The following ZNF215 variants were observed in gnomAD, a reference collection of about 807,000 sequenced individuals.
ZNF215 encodes the protein BWSCR2-associated zinc finger protein 2.
Under a neutral mutation model 27.2 loss-of-function variants are expected in ZNF215, and 24 were observed. The observed-to-expected ratio is 0.88, with a 90% CI of 0.64 to 1.24. ZNF215 has a LOEUF of 1.24. Ranked by LOEUF, ZNF215 falls within the 50% of genes most tolerant of loss-of-function variation. ZNF215 has a pLI of 0.00. For missense variants in ZNF215, 675 were observed against 605.7 expected (o/e 1.11, Z -1.20); for synonymous variants, 210 against 204.0 (o/e 1.03, Z -0.25).
At chr11:6,965,186 C>A (rs1204240593) in intron 5 of ZNF215, among the ~76,000 whole-genome samples, 2 of 151,960 alleles carry the variant, frequency 1.3e-5, no homozygotes, top group East Asian at 3.8e-4. Context: ...AGTGTTATTT[C>A]AGTAAAGGCA....
chr11:6,982,272 C>T (rs529422791), intron 5 of ZNF215, among the ~76,000 whole-genome samples: 7 of 152,026 alleles, frequency 4.6e-5, no homozygotes, highest in Admixed American at 3.9e-4. Flanking sequence ...CCTGAGTGAC[C>T]TACAAAGAGA....
chr11:6,952,326 C>T lies in ZNF215; in HGVS notation c.713-3364C>T, dbSNP rs536866425. ...GTCTTGTTGATCTATCTAATGTTGACAGTAGGGTGTTGAAGTCTCCCATTA... is the reference window on the plus strand; with the variant it reads ...GTCTTGTTGATCTATCTAATGTTGATAGTAGGGTGTTGAAGTCTCCCATTA... On this transcript the variant is annotated intron_variant, in intron 6 of 6. Transcript: ENST00000278319. Among the ~76,000 whole-genome samples, 297 of 152,240 alleles carry T rather than the reference C, an allele frequency of 2.0e-3. 3 individuals carry two copies. Among genetic ancestry groups the T allele is most frequent in the African/African-American group, 6.7e-3 (278 of 41,540 alleles).
intron 2 of ZNF215, among the ~76,000 whole-genome samples, chr11:6,928,173 A>T (rs1177344997): frequency 2.0e-5 from 3 of 152,128 alleles, no homozygotes; most frequent in Non-Finnish European, 4.4e-5. Flanking sequence ...AGGATTTTCT[A>T]TTTGGTAGCC....
chr11:6,990,746 A>T (rs1178213703), downstream of ZNF215, among the ~76,000 whole-genome samples: 1 of 152,102 alleles, frequency 6.6e-6, no homozygotes, highest in Non-Finnish European at 1.5e-5. Context: ...TCCCCAAAAC[A>T]CACACACACA....
At chr11:6,984,529 A>G (rs1851023319) in exon 6 of ZNF215, 1 of 152,734 alleles carries the variant, frequency 6.5e-6, no homozygotes, top group Non-Finnish European at 1.5e-5. Flanking sequence ...TACTTGTCAC[A>G]GCGTTGGTTG....
rs373267791 is a variant in ZNF215, at chr11:6,941,662, G to A, written c.483+9G>A. 20 of 1,613,530 alleles carry A rather than the reference G, an allele frequency of 1.2e-5. 1 individual carries two copies. The African/African-American group carries it at 2.5e-4, about 20-fold the overall frequency. ...GAACAGGCAAACCACAGGTGAATTA[G>A]GATTCTAGTCTTTACTGAACACATA... On this transcript the variant is annotated intron_variant, in intron 4 of 6. Transcript: ENST00000278319.
chr11:6,977,046 C>T (rs72848554), intron 5 of ZNF215, among the ~76,000 whole-genome samples: 1 of 152,056 alleles, frequency 6.6e-6, no homozygotes, highest in Non-Finnish European at 1.5e-5. Flanking sequence ...GTGGTTGTAT[C>T]GCCTTCTCTT....
intron 2 of ZNF215, among the ~76,000 whole-genome samples, chr11:6,931,591 T>C (rs1849268028): frequency 6.6e-6 from 1 of 152,250 alleles, no homozygotes; most frequent in African/African-American, 2.4e-5. Flanking sequence ...ATCCACTTTT[T>C]GATTTATTCC....
intron 1 of ZNF215, among the ~76,000 whole-genome samples, chr11:6,927,311 G>C (rs1849087680): frequency 6.6e-6 from 1 of 152,088 alleles, no homozygotes; most frequent in South Asian, 2.1e-4. Flanking sequence ...CTTCTATTCA[G>C]TCACTTATTT....
chr11:6,975,623 T>C (rs1850817710), intron 5 of ZNF215, among the ~76,000 whole-genome samples: 1 of 152,076 alleles, frequency 6.6e-6, no homozygotes, highest in African/African-American at 2.4e-5. Flanking sequence ...ACATGTGATG[T>C]TCGTCTTTCT....
chr11:6,951,318 C>T (rs1365518021), intron 6 of ZNF215, among the ~76,000 whole-genome samples: 4 of 152,010 alleles, frequency 2.6e-5, no homozygotes, highest in African/African-American at 9.7e-5. Context: ...GTACCAGTTC[C>T]TCCTTGTACC....
downstream of ZNF215, among the ~76,000 whole-genome samples, chr11:6,960,726 T>A (rs989880997): frequency 6.6e-6 from 1 of 152,142 alleles, no homozygotes; most frequent in Non-Finnish European, 1.5e-5. Flanking sequence ...CACTGTGGAA[T>A]TAAATGATTA....
chr11:6,980,109 C>G (rs2133352108), intron 5 of ZNF215, among the ~76,000 whole-genome samples: 1 of 152,148 alleles, frequency 6.6e-6, no homozygotes, highest in South Asian at 2.1e-4. Flanking sequence ...GCATTAAGTT[C>G]CTTTGTCAAC....
downstream of ZNF215, among the ~76,000 whole-genome samples, chr11:6,959,194 T>C (rs1233151407): frequency 6.6e-6 from 1 of 151,980 alleles, no homozygotes; most frequent in African/African-American, 2.4e-5. Flanking sequence ...TGTGGAAATG[T>C]TAGGAGAGAT....
Position 6,957,384 on chromosome 11 carries a change from A to G in ZNF215, c.*853A>G. 1 of 190,294 alleles carries G rather than the reference A, an allele frequency of 5.3e-6. No homozygotes were observed. The allele number at this position is 190,294 out of a possible 1,614,324, so 11.8% of individuals were successfully genotyped here. ...TTATCTCAGTCTGAGTTTGTGAGGA[A>G]GTGTGCCCTGCAGTGGAATGGCTCC... On this transcript the variant is annotated 3_prime_UTR_variant, in exon 7 of 7. Transcript: ENST00000278319.
In ZNF215 at chr11:6,955,793, G is replaced by T. The variant is rs750812180; in HGVS notation, c.816G>T (p.Trp272Cys). ...PSSDAWKGEN[W>C]LYRNQKKWDI... ...CAGATGCCTGGAAAGGTGAGAATTGGTTATATAGGAACCAGAAAAAATGGG... is the reference window on the plus strand; with the variant it reads ...CAGATGCCTGGAAAGGTGAGAATTGTTTATATAGGAACCAGAAAAAATGGG... The change falls in exon 7 of 7, where the codon TGG becomes TGT. Residue 272 changes from tryptophan (W) to cysteine (C), a missense_variant. Transcript: ENST00000278319. 1.2e-6 allele frequency: 2 copies of T among 1,613,752 alleles called. No homozygotes were observed. The highest frequency in any genetic ancestry group is 1.7e-6 in the Non-Finnish European group (2 of 1,179,944).
In ZNF215 at chr11:6,954,866, C is replaced by T. The variant is rs548898846; in HGVS notation, c.713-824C>T. 2.1e-3 allele frequency among the ~76,000 whole-genome samples: 320 copies of T among 152,264 alleles called. 2 individuals carry two copies. The highest frequency in any genetic ancestry group is 7.1e-3 in the African/African-American group (294 of 41,550). On this transcript the variant is annotated intron_variant, in intron 6 of 6. Coordinates refer to ENST00000278319, the MANE Select transcript of ZNF215 (RefSeq NM_013250.4). ...GCTGTAGACCGGAGCTGTTCCTATT[C>T]GGCCATCTTGGCTCCATATATGAAA... is the stretch of plus-strand genomic sequence containing the variant.
rs577325266 is a variant in ZNF215 at position 6,966,682 on chromosome 11, T to C, written c.805+10900T>C. Reference sequence around the variant, plus strand: ...CTTAGTCTGGCTACTGGTTTATCATTTTCATTGATTATTTTTCTATTTTTA... The same window carrying C: ...CTTAGTCTGGCTACTGGTTTATCATCTTCATTGATTATTTTTCTATTTTTA... On this transcript the variant is annotated intron_variant, in intron 5 of 5. Transcript: ENST00000529903. Among the ~76,000 whole-genome samples, 56 of 152,204 alleles carry C rather than the reference T, an allele frequency of 3.7e-4. No homozygotes were observed. The Middle Eastern group carries it at 0.027, about 74-fold the overall frequency.
chr11:6,962,415 G>T (rs990814816), downstream of ZNF215, among the ~76,000 whole-genome samples: 3 of 152,114 alleles, frequency 2.0e-5, no homozygotes, highest in Non-Finnish European at 4.4e-5. Context: ...ATCTAGAAGG[G>T]AGAATAGAGG....
Sources: allele counts gnomAD v4.1 joint callset (sites outside exome capture counted in the v4.1 genomes callset), GRCh38; gene constraint gnomAD v4.1.1; transcripts MANE v1.5; gene names NCBI Gene and HGNC (gene_info 2026-07-23, HGNC 2026-07-21).